Variants in MAP1S observed in about 807,000 individuals in gnomAD.
The protein encoded by MAP1S is microtubule-associated protein 1S.
Under a neutral mutation model 60.9 loss-of-function variants are expected in MAP1S, and 27 were observed. The ratio of observed to expected loss-of-function variants is 0.44; its 90% CI spans 0.33 to 0.61. The LOEUF (loss-of-function observed/expected upper bound fraction) is 0.61, where lower values mean the gene tolerates loss of function less well. Among genes scored for constraint, MAP1S ranks in the 20% least tolerant of loss-of-function variants. The pLI, the probability that MAP1S is intolerant of heterozygous loss-of-function variation, is 0.03. For synonymous variants in MAP1S, 826 were observed against 694.2 expected (o/e 1.19, Z -2.98); for missense variants, 1,608 against 1,486.6 (o/e 1.08, Z -1.34).
chr19:17,720,133 G>A, intron 1 of MAP1S: 1 of 1,291,406 alleles, frequency 7.7e-7, no homozygotes, highest in Non-Finnish European at 9.8e-7. Context: ...GGCCTGCCCT[G>A]GGGATTTGGC....
chr19:17,726,626 C>A lies in MAP1S; in HGVS notation c.1242C>A (p.Ala414=). ...AGCGCACGCTGGCCTCTGTGTGCGC[C>A]CTGCTGGTGTGGCACCCCGCCGGCC... ...GAERTLASVC[A]LLVWHPAGPG... The change falls in exon 5 of 7, where the codon GCC becomes GCA. Residue 414 remains alanine (A), a synonymous_variant. Coordinates refer to ENST00000324096, the MANE Select transcript of MAP1S (RefSeq NM_018174.6). The A allele has an allele frequency of 6.4e-7, 1 of 1,573,096 alleles. No homozygotes were observed. Among genetic ancestry groups the A allele is most frequent in the East Asian group, 2.3e-5 (1 of 42,922 alleles).
chr19:17,727,071 C>G lies in MAP1S; in HGVS notation c.1687C>G (p.Arg563Gly). The G allele has an allele frequency of 6.2e-7, 1 of 1,606,702 alleles. No homozygotes were observed. Among genetic ancestry groups the G allele is most frequent in the Non-Finnish European group, 8.5e-7 (1 of 1,177,914 alleles). Residue 563 changes from arginine to glycine, a missense_variant, in exon 5 of 7, where the codon CGC becomes GGC. By Grantham distance (125) the Arg-to-Gly change is moderately radical. Transcript: ENST00000324096. The surrounding 1 kb of genome is among the most constrained non-coding windows in gnomAD (Gnocchi z 4.1). ...GAATGCCCAGGCGGCACCCAAGCCC[C>G]GCAAAGCGCCCAGCACGTCCCACTC... ...KTNAQAAPKP[R>G]KAPSTSHSGF...
Position 17,726,781 on chromosome 19 carries a change from G to A in MAP1S, c.1397G>A (p.Gly466Glu), listed in dbSNP as rs1251095573. Residue 466 changes from glycine (G) to glutamate (E), a missense_variant, in exon 5 of 7, where the codon GGG becomes GAG. Gly to Glu is a moderately conservative substitution (Grantham distance 98). Transcript: ENST00000324096. ...EPVVTPQDLE[G>E]PGRAESKESV... ...GTGGTGACGCCCCAGGACCTGGAGG[G>A]GCCGGGGCGAGCCGAGAGCAAAGAG... is the stretch of plus-strand genomic sequence containing the variant. 1.3e-6 allele frequency: 2 copies of A among 1,555,276 alleles called. No individual in the cohort carries two copies. Among genetic ancestry groups the A allele is most frequent in the South Asian group, 1.2e-5 (1 of 84,654 alleles).
intron 2 of MAP1S, among the ~76,000 whole-genome samples, chr19:17,721,966 C>G (rs1469200115): frequency 1.3e-5 from 2 of 152,132 alleles, no homozygotes; most frequent in African/African-American, 4.8e-5. Context: ...TGAGTCACCT[C>G]CCGGCTGCTG....
Position 17,733,297 on chromosome 19 carries a change from G to A in MAP1S, c.2893G>A (p.Glu965Lys). ...PSGSSAHLVD[E>K]EFFQRVRALC... ...CGGGAGCAGCGCCCACCTGGTGGAT[G>A]AGGAGTTCTTCCAGCGCGTGCGCGC... The change falls in exon 6 of 7, where the codon GAG becomes AAG. Residue 965 changes from glutamate to lysine, a missense_variant. This residue lies in a region of MAP1S where 1,167 missense variants were observed against 961.4 expected (regional missense o/e 1.21). Transcript: ENST00000324096. The A allele has an allele frequency of 6.3e-7, 1 of 1,588,252 alleles. No individual in the cohort carries two copies. The highest frequency in any genetic ancestry group is 1.1e-5 in the South Asian group (1 of 87,308).
Position 17,734,359 on chromosome 19 carries a change from G to C in MAP1S, c.3111G>C (p.Thr1037=), listed in dbSNP as rs747925907. 2 of 1,613,808 alleles carry C rather than the reference G, an allele frequency of 1.2e-6. No individual in the cohort carries two copies. Among genetic ancestry groups the C allele is most frequent in the Non-Finnish European group, 1.7e-6 (2 of 1,179,986 alleles). ...THARHQALGI[T]VLGSNSMVSM... is the part of the protein sequence containing the mutation. ...CCCGGCACCAGGCGCTGGGCATCAC[G>C]GTGTTGGGCAGCAACAGCATGGTGT... The change falls in exon 7 of 7, where the codon ACG becomes ACC. Residue 1037 remains threonine (T), a synonymous_variant. Transcript: ENST00000324096.
rs1260052206 is a variant in MAP1S at position 17,724,316 on chromosome 19, C to T, written c.303+108C>T. 3 of 837,402 alleles carry T rather than the reference C, an allele frequency of 3.6e-6. No homozygotes were observed. In the East Asian group the frequency reaches 8.1e-5, roughly 23 times the overall value. The allele number at this position is 837,402 out of a possible 1,614,324, so 51.9% of individuals were successfully genotyped here. ...CATGCTGCCCCAGATCCTCTCAAGACACCCGGCACCACACTTCTTCGCCCA... is the reference window on the plus strand; with the variant it reads ...CATGCTGCCCCAGATCCTCTCAAGATACCCGGCACCACACTTCTTCGCCCA... On this transcript the variant is annotated intron_variant, in intron 3 of 6. Coordinates refer to ENST00000324096, the MANE Select transcript of MAP1S (RefSeq NM_018174.6).
chr19:17,728,296 C>A, intron 5 of MAP1S, 124 bp downstream of exon 5: 4 of 1,115,672 alleles, frequency 3.6e-6, no homozygotes, highest in Non-Finnish European at 5.0e-6. Context: ...TGTCTCTGAG[C>A]TGGAGTGCAG....
intron 5 of MAP1S, among the ~76,000 whole-genome samples, chr19:17,730,563 G>T (rs1015496993): frequency 1.1e-4 from 16 of 152,152 alleles, no homozygotes; most frequent in African/African-American, 3.6e-4. Flanking sequence ...CGATTCTCTC[G>T]CCTTGGCCTC....
Position 17,721,238 on chromosome 19 carries a change from C to A in MAP1S, c.220+201C>A, listed in dbSNP as rs780016457. The stretch of plus-strand genomic sequence containing the variant: ...ACAGTGCAGGAACTGGTGTTTTTGT[C>A]CCTGATTGACAGATGAGGAAATTGG... On this transcript the variant is annotated intron_variant, in intron 2 of 6. Transcript: ENST00000324096. 358 of 587,960 alleles carry A rather than the reference C, an allele frequency of 6.1e-4. 2 individuals carry two copies. The highest frequency in any genetic ancestry group is 2.7e-3 in the Middle Eastern group (6 of 2,186). 36.4% of individuals were successfully genotyped at this position (587,960 alleles called of 1,614,324 possible).
In MAP1S at chr19:17,727,130, C is replaced by T. The variant is rs1424788263; in HGVS notation, c.1746C>T (p.Ser582=). 3 of 1,593,788 alleles carry T rather than the reference C, an allele frequency of 1.9e-6. No individual in the cohort carries two copies. The highest frequency in any genetic ancestry group is 3.4e-5 in the Admixed American group (2 of 58,508). ...GFPPVANGPR[S]PPSLRCGEAS... is the part of the protein sequence containing the mutation. ...CGCCGGTGGCAAATGGACCCCGCAG[C>T]CCGCCCAGCCTCCGATGTGGAGAAG... is the stretch of plus-strand genomic sequence containing the variant. Residue 582 remains serine, a synonymous_variant, in exon 5 of 7, where the codon AGC becomes AGT. Transcript: ENST00000324096. This position sits in a 1 kb window ranked among gnomAD's most constrained non-coding sequence, Gnocchi z 4.1.
chr19:17,724,526 C>T (rs755607527), intron 3 of MAP1S, among the ~76,000 whole-genome samples: 2 of 152,146 alleles, frequency 1.3e-5, no homozygotes, highest in Non-Finnish European at 2.9e-5. Context: ...TCCGGCTAGG[C>T]CCCAGGAGTT....
chr19:17,719,669 G>A, intron 1 of MAP1S, 49 bp downstream of exon 1: 1 of 1,062,974 alleles, frequency 9.4e-7, no homozygotes, highest in Non-Finnish European at 1.2e-6. Context: ...GGGCCCGTTC[G>A]CGCGTCTGGG....
chr19:17,719,513 T>A lies in MAP1S; in HGVS notation c.11T>A (p.Val4Glu). The A allele has an allele frequency of 5.6e-6, 7 of 1,243,318 alleles. No individual in the cohort carries two copies. Among genetic ancestry groups the A allele is most frequent in the Non-Finnish European group, 7.1e-6 (7 of 987,130 alleles). 77.0% of individuals were successfully genotyped at this position (1,243,318 alleles called of 1,614,324 possible). Residue 4 changes from valine (V) to glutamate (E), a missense_variant, in exon 1 of 7, where the codon GTG becomes GAG. Coordinates refer to ENST00000324096, the MANE Select transcript of MAP1S (RefSeq NM_018174.6). MAAVAGSGAAAAPS... is the reference protein window; with the variant it reads MAAEAGSGAAAAPS... ...CGGGGCGGCCCGAAGATGGCGGCGG[T>A]GGCTGGATCTGGGGCTGCCGCGGCT...
chr19:17,720,600 G>T, intron 1 of MAP1S: 1 of 1,251,244 alleles, frequency 8.0e-7, no homozygotes, highest in South Asian at 1.6e-5. Context: ...AGGTGGGGGC[G>T]GCAGGGGGAT....
intron 1 of MAP1S, chr19:17,720,230 G>T (rs1434506994): frequency 7.2e-7 from 1 of 1,380,438 alleles, no homozygotes; most frequent in African/African-American, 1.5e-5. Context: ...ATGCGCCCGT[G>T]GGTGGAGATG....
chr19:17,731,142 G>A (rs1321349855), intron 5 of MAP1S, among the ~76,000 whole-genome samples: 3 of 151,954 alleles, frequency 2.0e-5, no homozygotes, highest in African/African-American at 7.3e-5. Flanking sequence ...TGATCTGCCC[G>A]CCTCGGCCTC....
At position 17,727,179 on chromosome 19, in the gene MAP1S, G is replaced by C. The variant is rs759144600; in HGVS notation, c.1795G>C (p.Gly599Arg). The stretch of plus-strand genomic sequence containing the variant: ...AGCCAGCCCCCCCAGTGCAGCCTGC[G>C]GCTCTCCGGCCTCCCAGCTGGTGGC... ...GEASPPSAAC[G>R]SPASQLVATP... The change falls in exon 5 of 7, where the codon GGC (glycine) becomes CGC (arginine). Residue 599 changes from glycine to arginine, a missense_variant. Coordinates refer to ENST00000324096, the MANE Select transcript of MAP1S (RefSeq NM_018174.6). The surrounding 1 kb of genome is among the most constrained non-coding windows in gnomAD (Gnocchi z 4.1). 3.8e-6 allele frequency: 6 copies of C among 1,579,308 alleles called. No homozygotes were observed. Among genetic ancestry groups the C allele is most frequent in the East Asian group, 4.6e-5 (2 of 43,196 alleles).
intron 2 of MAP1S, chr19:17,721,304 G>GT: frequency 2.2e-6 from 1 of 456,628 alleles, no homozygotes; most frequent in Non-Finnish European, 4.1e-6. Flanking sequence ...TGAGGAGGGG[G>GT]TTTTTTGATG....
Sources: gnomAD v4.1 joint callset for allele counts (sites outside exome capture counted in the v4.1 genomes callset) on GRCh38, gnomAD v4.1.1 for gene constraint, gnomAD v4.1.1 regional missense constraint, Gnocchi (gnomAD v3.1) non-coding constraint, MANE v1.5 for transcripts, NCBI Gene and HGNC (gene_info 2026-07-23, HGNC 2026-07-21) for gene names.